The following USP46 variants were observed in gnomAD, a reference collection of about 807,000 sequenced individuals.
The protein encoded by USP46 is ubiquitin carboxyl-terminal hydrolase 46.
Under a neutral mutation model 44.4 loss-of-function variants are expected in USP46, and 12 were observed. The ratio of observed to expected loss-of-function variants is 0.27; its 90% CI spans 0.17 to 0.44. The LOEUF (loss-of-function observed/expected upper bound fraction) is 0.44. USP46 is among the 20% of genes least tolerant of loss of function. The pLI is 1.00. For synonymous variants in USP46, 155 were observed against 161.5 expected (o/e 0.96, Z 0.31); for missense variants, 248 against 444.8 (o/e 0.56, Z 3.98).
chr4:52,646,487 T>C (rs1370101243), intron 1 of USP46, among the ~76,000 whole-genome samples: 1 of 152,198 alleles, frequency 6.6e-6, no homozygotes, highest in Non-Finnish European at 1.5e-5. Flanking sequence ...CAAAACTCTC[T>C]GTGGTGAGCT....
chr4:52,607,797 T>G (rs1716751125), intron 5 of USP46, among the ~76,000 whole-genome samples: 1 of 152,214 alleles, frequency 6.6e-6, no homozygotes, highest in Non-Finnish European at 1.5e-5. Context: ...GTGATGTGCC[T>G]GCTCCCCCTT....
chr4:52,630,526 A>C (rs1234651860), intron 2 of USP46, among the ~76,000 whole-genome samples: 3 of 152,168 alleles, frequency 2.0e-5, no homozygotes, highest in Non-Finnish European at 2.9e-5. Flanking sequence ...AGGCCGAAGC[A>C]GGTGGATCAC....
intron 7 of USP46, among the ~76,000 whole-genome samples, chr4:52,599,626 GA>G (rs1716383313): frequency 6.6e-6 from 1 of 152,190 alleles, no homozygotes; most frequent in Non-Finnish European, 1.5e-5. Context: ...GAAAAAAGCA[GA>G]AAGGACAACT....
intron 4 of USP46, among the ~76,000 whole-genome samples, chr4:52,613,171 C>T (rs758059947): frequency 2.1e-4 from 32 of 152,036 alleles, no homozygotes; most frequent in African/African-American, 5.6e-4. Flanking sequence ...GCAGTCTTTC[C>T]GGTCTGCAAG....
intron 4 of USP46, among the ~76,000 whole-genome samples, chr4:52,620,769 G>A (rs1350299705): frequency 6.6e-6 from 1 of 152,226 alleles, no homozygotes; most frequent in African/African-American, 2.4e-5. Context: ...TTTACCTGAT[G>A]TGCACATCCT....
intron 7 of USP46, 46 bp from the exon 8 acceptor site, chr4:52,598,752 T>C: frequency 6.5e-7 from 1 of 1,533,576 alleles, no homozygotes; most frequent in Non-Finnish European, 8.9e-7. Flanking sequence ...AACATTTATC[T>C]CTTTATAAAA....
At position 52,659,263 on chromosome 4, in the gene USP46, C is replaced by G; in HGVS notation, c.-113G>C. On this transcript the variant is annotated 5_prime_UTR_variant, in exon 1 of 9. Coordinates refer to ENST00000441222, the MANE Select transcript of USP46 (RefSeq NM_022832.4). The surrounding 1 kb of genome is among the most constrained non-coding windows in gnomAD (Gnocchi z 4.2). ...GGCGGCAGCGCGGCGGCCTGGGGTC[C>G]GGCTTTCAGTTTGGCTGGGAGAGGG... is the stretch of plus-strand genomic sequence containing the variant. 1.9e-6 allele frequency: 2 copies of G among 1,047,216 alleles called. No homozygotes were observed. Among genetic ancestry groups the G allele is most frequent in the Non-Finnish European group, 2.5e-6 (2 of 815,104 alleles). 64.9% of individuals were successfully genotyped at this position (1,047,216 alleles called of 1,614,324 possible).
intron 1 of USP46, chr4:52,656,661 T>C: frequency 4.5e-6 from 4 of 893,092 alleles, no homozygotes; most frequent in Non-Finnish European, 5.6e-6. Flanking sequence ...GCCCGAGTAA[T>C]ACAACAATAT....
At chr4:52,601,287 G>A (rs1716459905) in intron 7 of USP46, among the ~76,000 whole-genome samples, 2 of 152,110 alleles carry the variant, frequency 1.3e-5, no homozygotes, top group Non-Finnish European at 1.5e-5. Context: ...AAAAATAGCT[G>A]CTCAAAGGAA....
chr4:52,658,032 C>T, intron 1 of USP46: 1 of 338,484 alleles, frequency 3.0e-6, no homozygotes, highest in Non-Finnish European at 6.0e-6. Context: ...CTTTAGGGGC[C>T]AGTATTACTA....
chr4:52,656,580 A>C (rs1718961682), intron 1 of USP46: 6 of 1,319,818 alleles, frequency 4.5e-6, no homozygotes, highest in East Asian at 3.0e-5. Context: ...CACCTGGTAG[A>C]TGACATAACA....
intron 1 of USP46, chr4:52,656,370 GAC>G: frequency 7.5e-7 from 1 of 1,331,294 alleles, no homozygotes; most frequent in South Asian, 1.2e-5. Context: ...CCAGTGAAAA[GAC>G]AGCAGTTTCC....
rs138422228 is a variant in USP46, at chr4:52,655,744, C to T, written c.36+3371G>A. Among the ~76,000 whole-genome samples the T allele has an allele frequency of 5.3e-3, 807 of 152,326 alleles. 11 individuals are homozygous for T. Among genetic ancestry groups the T allele is most frequent in the African/African-American group, 0.018 (767 of 41,560 alleles). On this transcript the variant is annotated intron_variant, in intron 1 of 8. Coordinates refer to ENST00000441222, the MANE Select transcript of USP46 (RefSeq NM_022832.4). ...AGCTTTACTATCTCTGAACCACACA[C>T]TGCTGTGTGGCCAAGCTGCCTTGCC...
chr4:52,629,611 T>C (rs1413349467), intron 2 of USP46: 1 of 456,152 alleles, frequency 2.2e-6, no homozygotes, highest in Non-Finnish European at 4.4e-6. Flanking sequence ...TTCCATTTTT[T>C]CCTCTCTTAC....
At chr4:52,632,980 G>GAAAGAAAGAAAAAGAAAGAAAGA in intron 1 of USP46, among the ~76,000 whole-genome samples, 1 of 71,434 alleles carries the variant, frequency 1.4e-5, no homozygotes, top group South Asian at 5.0e-4. Flanking sequence ...AAGAAAGAAA[G>GAAAGAAAGAAAAAGAAAGAAAGA]AAAGAAAAGA....
rs763024819 is a variant in USP46 at position 52,659,069 on chromosome 4, C to G, written c.36+46G>C. 6.5e-7 allele frequency: 1 copy of G among 1,534,096 alleles called. No individual in the cohort carries two copies. Among genetic ancestry groups the G allele is most frequent in the South Asian group, 1.2e-5 (1 of 82,470 alleles). ...TGCAGCTCGGGCTTCCCTTTCTTTG[C>G]CTCGCCGCGAGTCGGGCGCGACCCC... On this transcript the variant is annotated intron_variant, in intron 1 of 8. Coordinates refer to ENST00000441222, the MANE Select transcript of USP46 (RefSeq NM_022832.4). The surrounding 1 kb of genome is among the most constrained non-coding windows in gnomAD (Gnocchi z 4.2).
chr4:52,631,959 T>C (rs1299384759), intron 1 of USP46, among the ~76,000 whole-genome samples: 1 of 151,646 alleles, frequency 6.6e-6, no homozygotes, highest in Non-Finnish European at 1.5e-5. Context: ...TGAGCCAAGA[T>C]TGTGCCACTG....
Position 52,592,001 on chromosome 4 carries a change from G to A in USP46, c.*5639C>T, listed in dbSNP as rs1716036680. ...TGTGTTGTCCCTGAGCTAGAAGGCAGGCTGGGAAGAGTGTGGGGCTCCCAG... is the reference window on the plus strand; with the variant it reads ...TGTGTTGTCCCTGAGCTAGAAGGCAAGCTGGGAAGAGTGTGGGGCTCCCAG... On this transcript the variant is annotated 3_prime_UTR_variant, in exon 9 of 9. Coordinates refer to ENST00000441222, the MANE Select transcript of USP46 (RefSeq NM_022832.4). 1 of 152,206 alleles carries A rather than the reference G, an allele frequency of 6.6e-6. No individual in the cohort carries two copies. The highest frequency in any genetic ancestry group is 2.4e-5 in the African/African-American group (1 of 41,432). 9.4% of individuals were successfully genotyped at this position (152,206 alleles called of 1,614,324 possible).
intron 1 of USP46, among the ~76,000 whole-genome samples, chr4:52,632,800 T>C (rs1442178648): frequency 1.4e-5 from 2 of 146,246 alleles, no homozygotes; most frequent in African/African-American, 5.1e-5. Context: ...AACAGAGTGA[T>C]ACCCTGTCTC....
Sources: gnomAD v4.1 joint callset for allele counts (sites outside exome capture counted in the v4.1 genomes callset) on GRCh38, gnomAD v4.1.1 for gene constraint, Gnocchi (gnomAD v3.1) non-coding constraint, MANE v1.5 for transcripts, NCBI Gene and HGNC (gene_info 2026-07-23, HGNC 2026-07-21) for gene names.